SLIT1: variants seen among roughly 807,000 people sequenced by gnomAD.
SLIT1 encodes the protein slit guidance ligand 1.
Under a neutral mutation model 186.1 loss-of-function variants are expected in SLIT1, and 66 were observed. The observed-to-expected ratio is 0.35, with a 90% confidence interval of 0.29 to 0.44. The LOEUF (loss-of-function observed/expected upper bound fraction) is 0.44. Ranked by LOEUF, SLIT1 falls within the 20% of genes least tolerant of loss-of-function variation. The pLI is 1.00. For synonymous variants in SLIT1, 761 were observed against 833.8 expected (o/e 0.91, Z 1.50); for missense variants, 1,638 against 2,037.4 (o/e 0.80, Z 3.77).
Position 97,066,062 on chromosome 10 carries a change from C to G in SLIT1, c.438G>C (p.Gln146His), listed in dbSNP as rs777172452. ...CCCGAAAAGCTTTCCTGGGGATGGC[C>G]TGGATGGCGTTCTCACTCAAGTCCC... ...SRLDLSENAI[Q>H]AIPRKAFRGA... Residue 146 changes from glutamine (Q) to histidine (H), a missense_variant, in exon 5 of 37, where the codon CAG becomes CAC. Transcript: ENST00000266058. 1.2e-6 allele frequency: 2 copies of G among 1,605,918 alleles called. No individual in the cohort carries two copies. The highest frequency in any genetic ancestry group is 1.7e-6 in the Non-Finnish European group (2 of 1,175,418).
At chr10:97,013,346 G>T (rs1848427546) in intron 30 of SLIT1, among the ~76,000 whole-genome samples, 1 of 152,204 alleles carries the variant, frequency 6.6e-6, no homozygotes, top group Non-Finnish European at 1.5e-5. Flanking sequence ...TGTAACTGGG[G>T]ATAAGAAATG....
chr10:97,129,657 G>A (rs1412443890), intron 4 of SLIT1, among the ~76,000 whole-genome samples: 2 of 152,094 alleles, frequency 1.3e-5, no homozygotes, highest in Non-Finnish European at 2.9e-5. Flanking sequence ...GCCCTGGGAG[G>A]ACCCGTGGCC....
intron 1 of SLIT1, among the ~76,000 whole-genome samples, chr10:97,178,724 T>C (rs1390293573): frequency 2.6e-5 from 4 of 152,110 alleles, no homozygotes; most frequent in African/African-American, 9.7e-5. Flanking sequence ...CTCCAAGCTA[T>C]TCTTAAAAGG....
At chr10:97,079,245 A>C (rs1849079208) in intron 4 of SLIT1, among the ~76,000 whole-genome samples, 1 of 152,192 alleles carries the variant, frequency 6.6e-6, no homozygotes, top group Non-Finnish European at 1.5e-5. Flanking sequence ...TGCTGTTGGA[A>C]GCCAGGATTG....
intron 4 of SLIT1, among the ~76,000 whole-genome samples, chr10:97,112,665 G>A (rs2636783): frequency 0.62 from 94,949 of 152,054 alleles, 30,500 homozygotes; most frequent in Admixed American, 0.7. Context: ...AAACTCTTTG[G>A]TTCCAAAGCC....
intron 4 of SLIT1, chr10:97,155,004 G>A (rs1849930737): frequency 6.6e-6 from 1 of 152,180 alleles, no homozygotes; most frequent in Admixed American, 6.5e-5. Flanking sequence ...GGGAGACATT[G>A]CTTGCCTCAT....
intron 1 of SLIT1, among the ~76,000 whole-genome samples, chr10:97,178,774 GAA>G (rs998836158): frequency 1.2e-4 from 14 of 116,048 alleles, no homozygotes; most frequent in Admixed American, 1.2e-3. Context: ...GCGATAGAGA[GAA>G]GAGAGAGAGA....
At chr10:97,111,049 G>T (rs1178326354) in intron 4 of SLIT1, among the ~76,000 whole-genome samples, 1 of 152,066 alleles carries the variant, frequency 6.6e-6, no homozygotes, top group African/African-American at 2.4e-5. Context: ...AATTAGCCAG[G>T]CCTGGTGGCA....
At position 97,011,047 on chromosome 10, in the gene SLIT1, G is replaced by T; in HGVS notation, c.3287C>A (p.Ala1096Asp). The T allele has an allele frequency of 6.2e-7, 1 of 1,614,020 alleles. No homozygotes were observed. Among genetic ancestry groups the T allele is most frequent in the Non-Finnish European group, 8.5e-7 (1 of 1,179,930 alleles). ...GCTGTTGACTTCATCCATACACTGG[G>T]CCCCATTCTGGCAGCGGTGGTCCCT... ...DCRDHRCQNGAQCMDEVNSYS... is the reference protein window; with the variant it reads ...DCRDHRCQNGDQCMDEVNSYS... The change falls in exon 31 of 37, where the codon GCC (alanine) becomes GAC (aspartate). Residue 1096 changes from alanine (A) to aspartate (D), a missense_variant. Physicochemically the swap from Ala to Asp is moderately radical, Grantham distance 126 (BLOSUM62 -2). Transcript: ENST00000266058.
rs775060603 is a variant in SLIT1 at position 97,048,949 on chromosome 10, A to C, written c.1465+6T>G. 1 of 1,605,466 alleles carries C rather than the reference A, an allele frequency of 6.2e-7. No individual in the cohort carries two copies. Among genetic ancestry groups the C allele is most frequent in the Non-Finnish European group, 8.5e-7 (1 of 1,179,766 alleles). ...CAGGTGGGCAGGTGGGCAGGCGGGC[A>C]GGTACCTGAGCACCGGAACTTCTTG... On this transcript the variant is annotated splice_donor_region_variant and intron_variant, in intron 14 of 36. Coordinates refer to ENST00000266058, the MANE Select transcript of SLIT1 (RefSeq NM_003061.3).
intron 25 of SLIT1, among the ~76,000 whole-genome samples, chr10:97,026,545 T>C (rs753685331): frequency 3.3e-5 from 5 of 152,248 alleles, no homozygotes; most frequent in African/African-American, 4.8e-5. Context: ...TATTCTGTCA[T>C]ATGGGCATGC....
intron 1 of SLIT1, among the ~76,000 whole-genome samples, chr10:97,177,091 T>G (rs1850266078): frequency 6.6e-6 from 1 of 152,168 alleles, no homozygotes; most frequent in Non-Finnish European, 1.5e-5. Flanking sequence ...ATCCGCATTT[T>G]GTACCGGCCT....
chr10:96,999,720 T>G lies in SLIT1; in HGVS notation c.*1392A>C, dbSNP rs1293897817. 1.3e-5 allele frequency: 2 copies of G among 152,478 alleles called. No homozygotes were observed. Among genetic ancestry groups the G allele is most frequent in the East Asian group, 3.9e-4 (2 of 5,190 alleles). The allele number at this position is 152,478 out of a possible 1,614,324, so 9.4% of individuals were successfully genotyped here. A position where few individuals can be genotyped will look rare whatever the true frequency, so the allele number is the denominator to read the frequency against. ...GCAATCGTATATTCAGGGCCTCTTC[T>G]TCTTCCACCACTGGCTCCTTCGTTG... On this transcript the variant is annotated 3_prime_UTR_variant, in exon 37 of 37. Transcript: ENST00000266058.
chr10:97,073,036 G>A (rs193111382), intron 4 of SLIT1, among the ~76,000 whole-genome samples: 24 of 152,312 alleles, frequency 1.6e-4, no homozygotes, highest in Admixed American at 1.1e-3. Flanking sequence ...CCCACGAGGG[G>A]GCGCCAGAAG....
intron 4 of SLIT1, among the ~76,000 whole-genome samples, chr10:97,141,736 T>TGTATCGTATC (rs1268951481): frequency 1.6e-5 from 2 of 127,402 alleles, no homozygotes; most frequent in African/African-American, 3.2e-5. Context: ...TGTACTGTAT[T>TGTATCGTATC]GTATCGTATC....
In SLIT1 at chr10:97,010,736, C is replaced by T. The variant is rs542752259; in HGVS notation, c.3341+257G>A. Among the ~76,000 whole-genome samples, 1 of 152,286 alleles carries T rather than the reference C, an allele frequency of 6.6e-6. No homozygotes were observed. Among genetic ancestry groups the T allele is most frequent in the East Asian group, 1.9e-4 (1 of 5,180 alleles). On this transcript the variant is annotated intron_variant, in intron 31 of 36. Coordinates refer to ENST00000266058, the MANE Select transcript of SLIT1 (RefSeq NM_003061.3). This position sits in a 1 kb window ranked among gnomAD's most constrained non-coding sequence, Gnocchi z 4.8. ...TCAGGTAGGCAGGTAAGTGACAGCA[C>T]ACTGCCCTGTCATCTGCACCCACCT...
At chr10:97,049,454 A>G (rs997813216) in intron 13 of SLIT1, among the ~76,000 whole-genome samples, 14 of 152,214 alleles carry the variant, frequency 9.2e-5, no homozygotes, top group Non-Finnish European at 2.1e-4. Context: ...GAGCGGAGAC[A>G]GGAAGGACCC....
chr10:97,035,087 C>T (rs1245455745), intron 22 of SLIT1, among the ~76,000 whole-genome samples: 1 of 152,012 alleles, frequency 6.6e-6, no homozygotes, highest in African/African-American at 2.4e-5. Context: ...GCCATGGCCT[C>T]TCCGAGTCAC....
intron 4 of SLIT1, among the ~76,000 whole-genome samples, chr10:97,152,670 C>T (rs1035476979): frequency 5.3e-5 from 8 of 152,326 alleles, no homozygotes; most frequent in African/African-American, 1.9e-4. Context: ...TATTTAAAAA[C>T]TGGGAGGTTT....
Sources: allele counts gnomAD v4.1 joint callset (sites outside exome capture counted in the v4.1 genomes callset), GRCh38; gene constraint gnomAD v4.1.1; non-coding constraint Gnocchi (gnomAD v3.1); transcripts MANE v1.5; gene names NCBI Gene and HGNC (gene_info 2026-07-23, HGNC 2026-07-21).